Variants in SPAG16 observed in about 807,000 individuals in gnomAD.
SPAG16 encodes the protein sperm-associated antigen 16 protein.
Under a neutral mutation model 80.4 loss-of-function variants are expected in SPAG16, and 86 were observed. The ratio of observed to expected loss-of-function variants is 1.07; its 90% CI spans 0.90 to 1.28. SPAG16 has a LOEUF of 1.28. Ranked by LOEUF, SPAG16 falls within the 50% of genes most tolerant of loss-of-function variation. The pLI, the probability that SPAG16 is intolerant of heterozygous loss-of-function variation, is 0.00. For synonymous variants in SPAG16, 294 were observed against 265.9 expected, an observed-to-expected ratio of 1.11 and a Z score of -1.03; for missense variants, 870 against 765.3, an observed-to-expected ratio of 1.14 and a Z score of -1.61.
At chr2:213,480,526 T>C (rs1162322859) in intron 9 of SPAG16, among the ~76,000 whole-genome samples, 2 of 152,212 alleles carry the variant, frequency 1.3e-5, no homozygotes, top group Non-Finnish European at 2.9e-5. Flanking sequence ...AATAGGTGAA[T>C]CTATGAATTC....
At chr2:213,406,584 A>G (rs929365935) in intron 9 of SPAG16, among the ~76,000 whole-genome samples, 2 of 152,204 alleles carry the variant, frequency 1.3e-5, no homozygotes, top group Admixed American at 6.5e-5. Context: ...AATTCCCTCT[A>G]TTAGGATAAA....
chr2:214,102,109 G>GTT lies in SPAG16; in HGVS notation c.1528-6082_1528-6081dup, dbSNP rs763808594. Among the ~76,000 whole-genome samples the GTT allele has an allele frequency of 2.2e-3, 212 of 96,566 alleles. 13 individuals are homozygous for GTT. In the South Asian group the frequency reaches 0.024, roughly 11 times the overall value. 63.4% of individuals were successfully genotyped at this position (96,566 alleles called of 152,430 possible). A position where few individuals can be genotyped will look rare whatever the true frequency, so the allele number is the denominator to read the frequency against. ...TAATAAAGCATATCTGGTGAGGGTGGTTTTTTGTTTTTTTTTTTTTGCAAT... is the reference window on the plus strand; with the variant it reads ...TAATAAAGCATATCTGGTGAGGGTGGTTTTTTTTGTTTTTTTTTTTTTGCAAT... On this transcript the variant is annotated intron_variant, in intron 13 of 15. Transcript: ENST00000331683.
chr2:213,833,186 G>A (rs1420439095), intron 10 of SPAG16, among the ~76,000 whole-genome samples: 1 of 150,638 alleles, frequency 6.6e-6, no homozygotes, highest in East Asian at 2.0e-4. Context: ...CTGTCCTCCA[G>A]ATATTATCCT....
chr2:213,988,136 C>T (rs1346141751), intron 12 of SPAG16, among the ~76,000 whole-genome samples: 1 of 151,662 alleles, frequency 6.6e-6, no homozygotes, highest in Non-Finnish European at 1.5e-5. Context: ...TGTTTTTAAC[C>T]CCTTTAAATA....
At chr2:213,379,597 C>T (rs1191005766) in intron 9 of SPAG16, among the ~76,000 whole-genome samples, 1 of 152,168 alleles carries the variant, frequency 6.6e-6, no homozygotes, top group African/African-American at 2.4e-5. Context: ...TTAGGATAGG[C>T]AAACCCATAT....
intron 10 of SPAG16, among the ~76,000 whole-genome samples, chr2:213,760,119 A>C (rs891892168): frequency 1.1e-4 from 16 of 152,220 alleles, no homozygotes; most frequent in African/African-American, 3.6e-4. Context: ...TAAATTGATT[A>C]AATGAGCTAA....
At chr2:213,904,205 CTACTGATACCAATT>C (rs1210435316) in intron 11 of SPAG16, among the ~76,000 whole-genome samples, 1 of 152,182 alleles carries the variant, frequency 6.6e-6, no homozygotes, top group East Asian at 1.9e-4. Context: ...ACGTCCCACT[CTACTGATACCAATT>C]TACTGTATCA....
chr2:214,277,160 A>G (rs1160936312), intron 15 of SPAG16, among the ~76,000 whole-genome samples: 1 of 151,952 alleles, frequency 6.6e-6, no homozygotes, highest in Non-Finnish European at 1.5e-5. Context: ...TGTCTTCTCT[A>G]CATTGTTTAT....
At chr2:213,520,430 CAA>C (rs753861786) in intron 10 of SPAG16, among the ~76,000 whole-genome samples, 3 of 138,904 alleles carry the variant, frequency 2.2e-5, no homozygotes. Flanking sequence ...ACTAAAAATA[CAA>C]AAAAAAAAAA....
At chr2:214,137,970 A>T (rs1410960904) in intron 14 of SPAG16, among the ~76,000 whole-genome samples, 1 of 152,126 alleles carries the variant, frequency 6.6e-6, no homozygotes, top group Non-Finnish European at 1.5e-5. Context: ...AAACTAATTT[A>T]AGCAAAATTA....
At chr2:213,787,179 T>C in intron 10 of SPAG16, among the ~76,000 whole-genome samples, 1 of 152,116 alleles carries the variant, frequency 6.6e-6, no homozygotes, top group Non-Finnish European at 1.5e-5. Context: ...CGTTTACCTA[T>C]GTAACAAATC....
intron 10 of SPAG16, among the ~76,000 whole-genome samples, chr2:213,674,788 T>C (rs1574753370): frequency 6.6e-6 from 1 of 150,652 alleles, no homozygotes; most frequent in South Asian, 2.1e-4. Context: ...CTATCATTGT[T>C]GGACATTTGG....
intron 10 of SPAG16, among the ~76,000 whole-genome samples, chr2:213,739,530 T>G (rs2067443355): frequency 1.3e-5 from 2 of 152,242 alleles, no homozygotes; most frequent in African/African-American, 4.8e-5. Context: ...GGAGCATAGT[T>G]CAGCATATCA....
intron 15 of SPAG16, among the ~76,000 whole-genome samples, chr2:214,366,658 C>T (rs1699500815): frequency 6.6e-6 from 1 of 151,874 alleles, no homozygotes; most frequent in African/African-American, 2.4e-5. Flanking sequence ...GTTTGAGTTA[C>T]CATAAAATCA....
At chr2:213,706,719 A>G (rs1324371681) in intron 10 of SPAG16, among the ~76,000 whole-genome samples, 1 of 151,536 alleles carries the variant, frequency 6.6e-6, no homozygotes, top group Non-Finnish European at 1.5e-5. Context: ...GTTTTTCGGA[A>G]TGAAAACTTT....
rs1271368750 is a variant in SPAG16 at position 213,912,548 on chromosome 2, C to T, written c.1215-17412C>T. On this transcript the variant is annotated intron_variant, in intron 11 of 15. Coordinates refer to ENST00000331683, the MANE Select transcript of SPAG16 (RefSeq NM_024532.5). ...TTCCTGGAAATAGTGTGCTTTCCCA[C>T]CCCTAGAATTTCTGTTTGTGCATTT... 9.9e-5 allele frequency among the ~76,000 whole-genome samples: 15 copies of T among 152,252 alleles called. No homozygotes were observed. In the East Asian group the frequency reaches 2.7e-3, roughly 27 times the overall value.
At chr2:213,543,395 A>G (rs988035386) in intron 10 of SPAG16, among the ~76,000 whole-genome samples, 3 of 151,932 alleles carry the variant, frequency 2.0e-5, no homozygotes, top group Non-Finnish European at 4.4e-5. Flanking sequence ...AATTTCAACT[A>G]TGGTGTCCTT....
In SPAG16 at chr2:213,284,476, C is replaced by G. The variant is rs1008636883; in HGVS notation, c.-8C>G. On this transcript the variant is annotated 5_prime_UTR_variant, in exon 1 of 16. Transcript: ENST00000331683. ...GCCTGCTGGGGGTGGGGGCCCGAAG[C>G]GCCAGAGATGGCTGCTCAGCGAGGG... The G allele has an allele frequency of 1.3e-6, 2 of 1,560,514 alleles. No individual in the cohort carries two copies. Among genetic ancestry groups the G allele is most frequent in the African/African-American group, 1.4e-5 (1 of 73,822 alleles).
At chr2:214,108,473 ACACACAC>A (rs1421488417) in intron 14 of SPAG16, among the ~76,000 whole-genome samples, 15 of 87,524 alleles carry the variant, frequency 1.7e-4, no homozygotes, top group Admixed American at 6.7e-4. Flanking sequence ...ACACACACAC[ACACACAC>A]CCCCACACAC....
Sources: gnomAD v4.1 joint callset for allele counts (sites outside exome capture counted in the v4.1 genomes callset) on GRCh38, gnomAD v4.1.1 for gene constraint, MANE v1.5 for transcripts, NCBI Gene and HGNC (gene_info 2026-07-23, HGNC 2026-07-21) for gene names.